Variants in GANC observed in about 807,000 individuals in gnomAD.
The protein encoded by GANC is glucosidase alpha, neutral C.
In GANC, 117 loss-of-function variants were observed where a neutral mutation model predicts 124.2. The ratio of observed to expected loss-of-function variants is 0.94; its 90% confidence interval spans 0.81 to 1.10. The LOEUF is 1.10. Ranked by LOEUF, GANC falls within the 50% of genes least tolerant of loss-of-function variation. GANC has a pLI of 0.00. For missense variants in GANC, 1,140 were observed against 1,095.0 expected (o/e 1.04, Z -0.58); for synonymous variants, 377 against 376.8 (o/e 1.00, Z -0.01).
intron 10 of GANC, among the ~76,000 whole-genome samples, chr15:42,312,084 G>A (rs893867647): frequency 1.3e-5 from 2 of 152,178 alleles, no homozygotes; most frequent in Non-Finnish European, 2.9e-5. Flanking sequence ...GCAATGTTAA[G>A]ATGGCAGTAA....
At chr15:42,319,911 T>A (rs2620372) in intron 10 of GANC, among the ~76,000 whole-genome samples, 1 of 152,172 alleles carries the variant, frequency 6.6e-6, no homozygotes, top group African/African-American at 2.4e-5. Context: ...GAGGCCAGAT[T>A]TGGTGGCTCA....
chr15:42,328,077 G>C (rs899860190), intron 13 of GANC, among the ~76,000 whole-genome samples: 3 of 152,172 alleles, frequency 2.0e-5, no homozygotes, highest in African/African-American at 7.2e-5. Flanking sequence ...AGAGGAAATT[G>C]AGACATAGAG....
chr15:42,293,166 C>G (rs1347593795), intron 5 of GANC, among the ~76,000 whole-genome samples: 1 of 152,212 alleles, frequency 6.6e-6, no homozygotes, highest in African/African-American at 2.4e-5. Flanking sequence ...ATTCTCTACC[C>G]TGCACACCCT....
At chr15:42,279,183 C>T (rs1240737698) in intron 3 of GANC, among the ~76,000 whole-genome samples, 1 of 152,126 alleles carries the variant, frequency 6.6e-6, no homozygotes, top group Non-Finnish European at 1.5e-5. Context: ...TATATTATCC[C>T]AATTTTCAGA....
At position 42,321,956 on chromosome 15, in the gene GANC, G is replaced by A. The variant is rs1317289044; in HGVS notation, c.1229G>A (p.Trp410Ter). The A allele has an allele frequency of 6.2e-7, 1 of 1,614,094 alleles. No individual in the cohort carries two copies. The highest frequency in any genetic ancestry group is 1.7e-5 in the Admixed American group (1 of 60,004). ...EHTEGKRYFT[W>*]DKNRFPNPKR... ...ACTGAGGGCAAGAGGTACTTCACCT[G>A]GGACAAAAACAGATTCCCAAACCCC... Residue 410 changes from tryptophan to a stop codon, truncating the protein, a stop_gained, in exon 11 of 24, where the codon TGG becomes TAG. Transcript: ENST00000318010. LOFTEE classifies it high-confidence loss of function.
At position 42,278,512 on chromosome 15, in the gene GANC, C is replaced by G. The variant is rs374913753; in HGVS notation, c.123C>G (p.Ser41=). ...AGAAACAGTGGCTTTCCAAGAAGTC[C>G]ACCTATCAGGCATTATTGGATTCAG... is the stretch of plus-strand genomic sequence containing the variant. The part of the protein sequence containing the change: ...RRQKQWLSKK[S]TYQALLDSVT... Residue 41 remains serine (S), a synonymous_variant, in exon 3 of 24, where the codon TCC becomes TCG. Transcript: ENST00000318010. 32 of 1,611,232 alleles carry G rather than the reference C, an allele frequency of 2.0e-5. No homozygotes were observed. The highest frequency in any genetic ancestry group is 2.5e-5 in the Non-Finnish European group (30 of 1,178,784).
chr15:42,313,247 A>T (rs1260515895), intron 10 of GANC, among the ~76,000 whole-genome samples: 1 of 20,680 alleles, frequency 4.8e-5, no homozygotes, highest in Non-Finnish European at 2.6e-3. Context: ...ATACAAAAAA[A>T]TAAAATGGTT....
intron 3 of GANC, among the ~76,000 whole-genome samples, chr15:42,280,040 T>A (rs2051716346): frequency 6.6e-6 from 1 of 152,250 alleles, no homozygotes; most frequent in Non-Finnish European, 1.5e-5. Context: ...TCCATAACTT[T>A]CTTGCCCAAA....
intron 4 of GANC, among the ~76,000 whole-genome samples, chr15:42,288,276 A>G (rs1292405842): frequency 1.3e-5 from 2 of 152,200 alleles, no homozygotes; most frequent in Non-Finnish European, 2.9e-5. Context: ...AATTAAGGTT[A>G]TTCTCAGAAG....
Position 42,348,185 on chromosome 15 carries a change from C to G in GANC, c.2387C>G (p.Ser796Cys), listed in dbSNP as rs377240293. The G allele has an allele frequency of 1.9e-6, 3 of 1,612,216 alleles. No homozygotes were observed. In the African/African-American group the frequency reaches 4.0e-5, roughly 22 times the overall value. ...TCCACAGGCTGGATGACTGAATCCTCCTATGGACTCCGGGTTGCTCTAAGC... is the reference window on the plus strand; with the variant it reads ...TCCACAGGCTGGATGACTGAATCCTGCTATGGACTCCGGGTTGCTCTAAGC... ...GKSTGWMTES[S>C]YGLRVALSTK... Residue 796 changes from serine (S) to cysteine (C), a missense_variant, in exon 21 of 24, where the codon TCC (serine) becomes TGC (cysteine). Physicochemically the swap from Ser to Cys is moderately radical, Grantham distance 112. Coordinates refer to ENST00000318010, the MANE Select transcript of GANC (RefSeq NM_198141.3).
At chr15:42,326,506 C>A in intron 12 of GANC, 82 bp downstream of exon 12, 1 of 1,588,290 alleles carries the variant, frequency 6.3e-7, no homozygotes. Context: ...ATTCTGCTCC[C>A]TTGTAGATGT....
At chr15:42,302,294 G>A (rs1242949227) in intron 6 of GANC, among the ~76,000 whole-genome samples, 1 of 152,188 alleles carries the variant, frequency 6.6e-6, no homozygotes, top group East Asian at 1.9e-4. Flanking sequence ...AACACGGAAA[G>A]GAATAGCATC....
At chr15:42,344,589 G>C (rs1264756942) in intron 19 of GANC, 1 of 152,208 alleles carries the variant, frequency 6.6e-6, no homozygotes, top group Non-Finnish European at 1.5e-5. Flanking sequence ...GGTTCCATCT[G>C]CTATGCTTGT....
rs2052458494 is a variant in GANC at position 42,352,532 on chromosome 15, A to G, written c.*393A>G. ...CATGCAGCATTGGCGCTCTGGCTGC[A>G]GCAGCTGAGTTGCTCAAGGCCAGTG... On this transcript the variant is annotated 3_prime_UTR_variant, in exon 24 of 24. Transcript: ENST00000318010. 1 of 1,034,588 alleles carries G rather than the reference A, an allele frequency of 9.7e-7. No homozygotes were observed. The allele number at this position is 1,034,588 out of a possible 1,614,324, so 64.1% of individuals were successfully genotyped here. A position where few individuals can be genotyped will look rare whatever the true frequency, so the allele number is the denominator to read the frequency against.
chr15:42,297,497 A>G, intron 5 of GANC, 114 bp from the exon 6 acceptor site: 2 of 646,638 alleles, frequency 3.1e-6, no homozygotes, highest in South Asian at 2.1e-5. Flanking sequence ...TATATTTAAT[A>G]CATTAAAGGA....
chr15:42,340,132 A>G lies in GANC; in HGVS notation c.2087+220A>G, dbSNP rs16973096. On this transcript the variant is annotated intron_variant, in intron 17 of 23. Coordinates refer to ENST00000318010, the MANE Select transcript of GANC (RefSeq NM_198141.3). Reference sequence around the variant, plus strand: ...ACTGCTACTGCTTTGTGACTAAAGTATGAATATTTGATAGGAGACAGAATA... The same window carrying G: ...ACTGCTACTGCTTTGTGACTAAAGTGTGAATATTTGATAGGAGACAGAATA... 0.097 allele frequency among the ~76,000 whole-genome samples: 14,773 copies of G among 152,260 alleles called. 837 individuals carry two copies. Among genetic ancestry groups the G allele is most frequent in the South Asian group, 0.18 (891 of 4,826 alleles).
At chr15:42,281,882 G>A (rs2412685) in intron 3 of GANC, among the ~76,000 whole-genome samples, 109,626 of 152,046 alleles carry the variant, frequency 0.72, 42,301 homozygotes, top group Non-Finnish European at 0.86. Context: ...CTTGAGAAAC[G>A]GTCTCTTTTA....
chr15:42,346,333 G>A (rs989503026), intron 20 of GANC, among the ~76,000 whole-genome samples: 4 of 152,160 alleles, frequency 2.6e-5, no homozygotes, highest in African/African-American at 7.2e-5. Context: ...AGGTCCGGGG[G>A]TGCCTAGTGC....
chr15:42,300,156 C>T (rs965431614), intron 6 of GANC, among the ~76,000 whole-genome samples: 4 of 152,108 alleles, frequency 2.6e-5, no homozygotes, highest in South Asian at 4.2e-4. Flanking sequence ...GCAACAGAAA[C>T]GATCATCAGA....
Sources: allele counts gnomAD v4.1 joint callset (sites outside exome capture counted in the v4.1 genomes callset), GRCh38; gene constraint gnomAD v4.1.1; transcripts MANE v1.5; gene names NCBI Gene and HGNC (gene_info 2026-07-23, HGNC 2026-07-21).